The following EFHC2 variants were observed in gnomAD, a reference collection of about 807,000 sequenced individuals.
EFHC2 encodes the protein EF-hand domain containing 2.
Under a neutral mutation model 52.7 loss-of-function variants are expected in EFHC2, and 18 were observed. That is an observed-to-expected ratio of 0.34 (90% CI 0.24 to 0.51). The LOEUF is 0.51. Ranked by LOEUF, EFHC2 falls within the 20% of genes least tolerant of loss-of-function variation. The pLI, the probability that EFHC2 is intolerant of heterozygous loss-of-function variation, is 0.97. For missense variants in EFHC2, 513 were observed against 562.5 expected (o/e 0.91, Z 0.89); for synonymous variants, 203 against 204.1 (o/e 0.99, Z 0.04).
chrX:44,232,700 T>C, intron 9 of EFHC2, 23 bp from the exon 10 acceptor site: 3 of 1,160,549 alleles, frequency 2.6e-6, no homozygotes, highest in Non-Finnish European at 3.5e-6. Flanking sequence ...GAAAAGTTCA[T>C]GAGCAGCCTT....
Position 44,169,919 on chromosome X carries a change from T to A in EFHC2, c.2043-5892A>T, listed in dbSNP as rs184782836. ...TATCTGCAAATGATCAATTATGATATCATGTGCAGTGCACTCAATATGTAC... is the reference window on the plus strand; with the variant it reads ...TATCTGCAAATGATCAATTATGATAACATGTGCAGTGCACTCAATATGTAC... On this transcript the variant is annotated intron_variant, in intron 13 of 14. Coordinates refer to ENST00000420999, the MANE Select transcript of EFHC2 (RefSeq NM_025184.4). Among the ~76,000 whole-genome samples, 3 of 112,143 alleles carry A rather than the reference T, an allele frequency of 2.7e-5. No homozygotes were observed. In the Admixed American group the frequency reaches 2.8e-4, roughly 11 times the overall value.
chrX:44,321,114 A>G (rs1454277594), intron 1 of EFHC2, among the ~76,000 whole-genome samples: 1 of 111,888 alleles, frequency 8.9e-6, no homozygotes, highest in Non-Finnish European at 1.9e-5. Context: ...TTCTGTATGT[A>G]TCTTGAAGGT....
intron 13 of EFHC2, among the ~76,000 whole-genome samples, chrX:44,174,341 G>T (rs992904131): frequency 6.3e-5 from 7 of 110,846 alleles, no homozygotes; most frequent in African/African-American, 2.0e-4. Context: ...AAATTGTCAG[G>T]ATGTGACAAC....
intron 2 of EFHC2, among the ~76,000 whole-genome samples, chrX:44,302,050 G>C (rs2147374868): frequency 9.0e-6 from 1 of 111,206 alleles, no homozygotes; most frequent in Non-Finnish European, 1.9e-5. Context: ...GGAATTACTG[G>C]GTCATGCAGC....
intron 13 of EFHC2, among the ~76,000 whole-genome samples, chrX:44,171,429 G>C (rs2036744908): frequency 9.0e-6 from 1 of 111,367 alleles, no homozygotes; most frequent in Non-Finnish European, 1.9e-5. Flanking sequence ...TTAGGGGAAT[G>C]GTCTGGAAGG....
At chrX:44,337,288 C>T (rs573215757) in intron 1 of EFHC2, among the ~76,000 whole-genome samples, 2 of 111,001 alleles carry the variant, frequency 1.8e-5, no homozygotes, top group East Asian at 2.8e-4. Flanking sequence ...GGTAAAAAGT[C>T]CTTTTCAGTT....
intron 2 of EFHC2, among the ~76,000 whole-genome samples, chrX:44,292,063 A>G (rs1233817836): frequency 8.9e-6 from 1 of 111,983 alleles, no homozygotes; most frequent in East Asian, 2.8e-4. Context: ...TATAAACTGA[A>G]TCAAGAAAAC....
At chrX:44,231,373 C>T (rs2037275348) in intron 10 of EFHC2, among the ~76,000 whole-genome samples, 1 of 111,941 alleles carries the variant, frequency 8.9e-6, no homozygotes, top group Non-Finnish European at 1.9e-5. Context: ...CTCTGATGGG[C>T]AGTCTGTGCT....
At chrX:44,320,834 C>G (rs982646586) in intron 1 of EFHC2, among the ~76,000 whole-genome samples, 2 of 110,080 alleles carry the variant, frequency 1.8e-5, no homozygotes, top group African/African-American at 6.6e-5. Flanking sequence ...ATCATACAAC[C>G]TCCCCTGTTA....
At chrX:44,178,129 T>TCTCACACACACACACACACACACACA (rs779701339) in intron 12 of EFHC2, among the ~76,000 whole-genome samples, 1 of 83,951 alleles carries the variant, frequency 1.2e-5, no homozygotes, top group South Asian at 6.2e-4. Flanking sequence ...AGATGCCATA[T>TCTCACACACACACACACACACACACA]CACACACACA....
chrX:44,148,835 C>A lies in EFHC2; in HGVS notation c.2210G>T (p.Trp737Leu), dbSNP rs867085679. The A allele has an allele frequency of 8.4e-7, 1 of 1,187,332 alleles. No individual in the cohort carries two copies. Among genetic ancestry groups the A allele is most frequent in the South Asian group, 1.9e-5 (1 of 53,366 alleles). The part of the protein sequence containing the change: ...SPIPAKYIDY[W>L]TFLKDAFGLE... The stretch of plus-strand genomic sequence containing the variant: ...GCCAAACGCGTCCTTCAAAAAGGTC[C>A]AGTAGTCAATGTATTTCGCAGGAAT... The change falls in exon 15 of 15, where the codon TGG becomes TTG. Residue 737 changes from tryptophan to leucine, a missense_variant. Coordinates refer to ENST00000420999, the MANE Select transcript of EFHC2 (RefSeq NM_025184.4).
chrX:44,168,855 A>G (rs1339153623), intron 13 of EFHC2, among the ~76,000 whole-genome samples: 1 of 111,174 alleles, frequency 9.0e-6, no homozygotes, highest in Non-Finnish European at 1.9e-5. Context: ...TCCAGATTCC[A>G]GCTTCTGGGG....
chrX:44,289,888 G>A (rs2037780868), intron 2 of EFHC2, among the ~76,000 whole-genome samples: 1 of 109,866 alleles, frequency 9.1e-6, no homozygotes, highest in Admixed American at 9.7e-5. Flanking sequence ...TCACCATGTT[G>A]GCCAGGCTGG....
intron 9 of EFHC2, among the ~76,000 whole-genome samples, 151 bp from the exon 10 acceptor site, chrX:44,232,828 T>A (rs764994539): frequency 1.3e-4 from 14 of 111,165 alleles, no homozygotes; most frequent in Non-Finnish European, 2.1e-4. Flanking sequence ...AAGGGAAGAA[T>A]GAGGCAGTGA....
chrX:44,310,441 C>G (rs1300197700), intron 2 of EFHC2: 2 of 923,999 alleles, frequency 2.2e-6, no homozygotes, highest in Non-Finnish European at 2.9e-6. Flanking sequence ...GCTGCGGGTC[C>G]GTAATGTGCA....
At chrX:44,226,489 C>A (rs772600674) in intron 11 of EFHC2, among the ~76,000 whole-genome samples, 3 of 111,519 alleles carry the variant, frequency 2.7e-5, no homozygotes, top group Non-Finnish European at 5.6e-5. Flanking sequence ...CTAGCTGCTA[C>A]TTTATGAAAG....
At chrX:44,313,327 G>A (rs2037961752) in intron 1 of EFHC2, among the ~76,000 whole-genome samples, 1 of 111,583 alleles carries the variant, frequency 9.0e-6, no homozygotes, top group South Asian at 3.7e-4. Flanking sequence ...AGAGGAGAAA[G>A]CACAGATACA....
chrX:44,233,794 TTCTTAAATCAA>T (rs1315688728), intron 9 of EFHC2, among the ~76,000 whole-genome samples: 2 of 111,493 alleles, frequency 1.8e-5, no homozygotes, highest in African/African-American at 6.5e-5. Flanking sequence ...AGCTGCTGTG[TTCTTAAATCAA>T]TCTTCAGGTG....
intron 8 of EFHC2, among the ~76,000 whole-genome samples, chrX:44,241,457 TTA>T (rs776843112): frequency 8.0e-5 from 9 of 112,181 alleles, no homozygotes; most frequent in Non-Finnish European, 1.7e-4. Flanking sequence ...AATAACACTT[TTA>T]AAAACACGTA....
Sources: gnomAD v4.1 joint callset for allele counts (sites outside exome capture counted in the v4.1 genomes callset) on GRCh38, gnomAD v4.1.1 for gene constraint, MANE v1.5 for transcripts, NCBI Gene and HGNC (gene_info 2026-07-23, HGNC 2026-07-21) for gene names.